Variants in KCNQ3 observed in about 807,000 individuals in gnomAD.
KCNQ3 encodes potassium voltage-gated channel subfamily KQT member 3.
Under a neutral mutation model 92.5 loss-of-function variants are expected in KCNQ3, and 30 were observed. The ratio of observed to expected loss-of-function variants is 0.32; its 90% confidence interval spans 0.24 to 0.44. KCNQ3 has a LOEUF of 0.44. Among genes scored for constraint, KCNQ3 ranks in the 20% least tolerant of loss-of-function variants. KCNQ3 has a pLI of 1.00. For missense variants in KCNQ3, 913 were observed against 1,140.3 expected (o/e 0.80, Z 2.87); for synonymous variants, 450 against 468.8 (o/e 0.96, Z 0.52).
At chr8:132,200,411 C>A (rs550862457) in intron 1 of KCNQ3, among the ~76,000 whole-genome samples, 1 of 151,166 alleles carries the variant, frequency 6.6e-6, no homozygotes, top group African/African-American at 2.5e-5. Flanking sequence ...ATATTTACTA[C>A]CTTGAGCATT....
chr8:132,132,765 A>ATGACAC (rs1824927670), intron 13 of KCNQ3, among the ~76,000 whole-genome samples: 1 of 152,236 alleles, frequency 6.6e-6, no homozygotes, highest in Admixed American at 6.5e-5. Flanking sequence ...GATGCAAAAG[A>ATGACAC]TGACACTGGT....
intron 1 of KCNQ3, among the ~76,000 whole-genome samples, chr8:132,380,351 C>T (rs953548780): frequency 3.9e-5 from 6 of 152,298 alleles, no homozygotes; most frequent in Middle Eastern, 3.4e-3. Flanking sequence ...GAGAAAGAGG[C>T]AAGCATCTCA....
chr8:132,253,033 C>A (rs1181876411), intron 1 of KCNQ3, among the ~76,000 whole-genome samples: 1 of 152,194 alleles, frequency 6.6e-6, no homozygotes, highest in Non-Finnish European at 1.5e-5. Context: ...TCTGGAAAAG[C>A]ACCTTTCCAC....
At chr8:132,366,815 G>A (rs991449320) in intron 1 of KCNQ3, among the ~76,000 whole-genome samples, 4 of 152,054 alleles carry the variant, frequency 2.6e-5, no homozygotes, top group African/African-American at 9.7e-5. Context: ...ATTTGATCAT[G>A]GAATATTCTT....
chr8:132,217,710 CAAAAAAAAAAAA>C (rs1170925572), intron 1 of KCNQ3, among the ~76,000 whole-genome samples: 1 of 66,410 alleles, frequency 1.5e-5, no homozygotes, highest in Non-Finnish European at 2.9e-5. Context: ...GGCTCTGTCT[CAAAAAAAAAAAA>C]AAAAAAAACA....
At position 132,480,529 on chromosome 8, in the gene KCNQ3, C is replaced by A; in HGVS notation, c.4G>T (p.Gly2Trp). 1 of 1,241,958 alleles carries A rather than the reference C, an allele frequency of 8.1e-7. No homozygotes were observed. The highest frequency in any genetic ancestry group is 1.0e-6 in the Non-Finnish European group (1 of 973,750). The allele number at this position is 1,241,958 out of a possible 1,614,324, so 76.9% of individuals were successfully genotyped here. The change falls in exon 1 of 15, where the codon GGG becomes TGG. Residue 2 changes from glycine to tryptophan, a missense_variant. Gly to Trp is a radical substitution (Grantham distance 184). Coordinates refer to ENST00000388996, the MANE Select transcript of KCNQ3 (RefSeq NM_004519.4). ...CCCGCCGCCCTGCGCGCCTTGAGCC[C>A]CATCTGCCTCGCCCCCGCCGGCCGC... MGLKARRAAGAA... is the reference protein window; with the variant it reads MWLKARRAAGAA...
Position 132,480,214 on chromosome 8 carries a change from T to A in KCNQ3, c.319A>T (p.Ile107Phe), listed in dbSNP as rs371238607. The change falls in exon 1 of 15, where the codon ATC becomes TTC. Residue 107 changes from isoleucine (I) to phenylalanine (F), a missense_variant. By Grantham distance (21) the Ile-to-Phe change is conservative (BLOSUM62 0). This residue lies in a region of KCNQ3 where 183 missense variants were observed against 167.7 expected (regional missense o/e 1.09). Transcript: ENST00000388996. ...VKRNNAKYRR[I>F]QTLIYDALER... ...AGGGCGTCGTAGATCAAAGTTTGGA[T>A]GCGCCGGTACTTGGCGTTGTTTCTC... The A allele has an allele frequency of 6.2e-7, 1 of 1,613,306 alleles. No individual in the cohort carries two copies.
At chr8:132,163,583 T>G in intron 8 of KCNQ3, 89 bp from the exon 9 acceptor site, 1 of 1,109,392 alleles carries the variant, frequency 9.0e-7, no homozygotes, top group Non-Finnish European at 1.4e-6. Context: ...AGCTTCTCTC[T>G]GAAGATGATG....
intron 1 of KCNQ3, among the ~76,000 whole-genome samples, chr8:132,224,677 C>T (rs1387988772): frequency 1.3e-5 from 2 of 152,140 alleles, no homozygotes; most frequent in African/African-American, 4.8e-5. Flanking sequence ...GGGAACAGGA[C>T]AATTCTCTTT....
At chr8:132,313,747 T>C (rs191180189) in intron 1 of KCNQ3, among the ~76,000 whole-genome samples, 111 of 152,288 alleles carry the variant, frequency 7.3e-4, no homozygotes, top group African/African-American at 2.5e-3. Flanking sequence ...ATAGTCAGAA[T>C]AATTAGAACC....
intron 1 of KCNQ3, among the ~76,000 whole-genome samples, chr8:132,246,650 G>A (rs1291063238): frequency 6.6e-6 from 1 of 152,180 alleles, no homozygotes; most frequent in African/African-American, 2.4e-5. Flanking sequence ...ATGGCACACC[G>A]TTATATCAGA....
chr8:132,269,721 C>T (rs1816094883), intron 1 of KCNQ3, among the ~76,000 whole-genome samples: 1 of 152,178 alleles, frequency 6.6e-6, no homozygotes, highest in African/African-American at 2.4e-5. Flanking sequence ...AGGAACAAAT[C>T]TTGTCTTCCC....
At chr8:132,142,121 A>G (rs916108707) in intron 9 of KCNQ3, among the ~76,000 whole-genome samples, 6 of 152,230 alleles carry the variant, frequency 3.9e-5, no homozygotes, top group African/African-American at 1.4e-4. Flanking sequence ...AAAGACTTTG[A>G]TAATGCTGTT....
rs552173331 is a variant in KCNQ3 at position 132,159,465 on chromosome 8, A to G, written c.1262+4003T>C. The stretch of plus-strand genomic sequence containing the variant: ...TAGACAGTAGCGGCTTTTACTCTTC[A>G]AGGGGTAGAGATTGTCCAGGGTGTG... On this transcript the variant is annotated intron_variant, in intron 9 of 14. Transcript: ENST00000388996. Among the ~76,000 whole-genome samples the G allele has an allele frequency of 5.9e-5, 9 of 152,228 alleles. No homozygotes were observed. The South Asian group carries it at 8.3e-4, about 14-fold the overall frequency.
intron 1 of KCNQ3, among the ~76,000 whole-genome samples, chr8:132,414,578 C>A (rs1303291282): frequency 6.6e-6 from 1 of 152,290 alleles, no homozygotes; most frequent in Non-Finnish European, 1.5e-5. Flanking sequence ...GATACTAGAA[C>A]AGTTGCTGGG....
At chr8:132,140,947 A>C (rs1825275501) in intron 10 of KCNQ3, 182 bp downstream of exon 10, 1 of 641,782 alleles carries the variant, frequency 1.6e-6, no homozygotes, top group Non-Finnish European at 2.8e-6. Flanking sequence ...AATACATCAC[A>C]ATGCCTCAGC....
intron 1 of KCNQ3, among the ~76,000 whole-genome samples, chr8:132,192,024 A>G (rs1305308939): frequency 1.3e-5 from 2 of 152,198 alleles, no homozygotes; most frequent in African/African-American, 4.8e-5. Flanking sequence ...GCTGATTGAA[A>G]TCTAAATTTA....
At chr8:132,461,301 C>G (rs1822053806) in intron 1 of KCNQ3, among the ~76,000 whole-genome samples, 1 of 152,184 alleles carries the variant, frequency 6.6e-6, no homozygotes, top group Non-Finnish European at 1.5e-5. Flanking sequence ...CAGTGGCTCA[C>G]ACCTGTAATC....
In KCNQ3 at chr8:132,129,486, C is replaced by A. The variant is rs567544502; in HGVS notation, c.2395G>T (p.Glu799Ter). The A allele has an allele frequency of 6.2e-7, 1 of 1,614,220 alleles. No homozygotes were observed. The highest frequency in any genetic ancestry group is 1.7e-5 in the Admixed American group (1 of 60,032). Residue 799 changes from glutamate to a stop codon, truncating the protein, a stop_gained, in exon 15 of 15, where the codon GAG becomes TAG. Transcript: ENST00000388996. LOFTEE classifies it high-confidence loss of function. This position sits in a 1 kb window ranked among gnomAD's most constrained non-coding sequence, Gnocchi z 5.9. ...PLSLMSVNHEELERSPSGFSI... is the reference protein window; with the variant it reads ...PLSLMSVNHE ...AAGCCACTTGGAGACCTCTCCAGCTCCTCGTGGTTGACCGACATCAGGGAC... is the reference window on the plus strand; with the variant it reads ...AAGCCACTTGGAGACCTCTCCAGCTACTCGTGGTTGACCGACATCAGGGAC...
Sources: gnomAD v4.1 joint callset for allele counts (sites outside exome capture counted in the v4.1 genomes callset) on GRCh38, gnomAD v4.1.1 for gene constraint, gnomAD v4.1.1 regional missense constraint, Gnocchi (gnomAD v3.1) non-coding constraint, MANE v1.5 for transcripts, NCBI Gene and HGNC (gene_info 2026-07-23, HGNC 2026-07-21) for gene names.